LCOR: variants seen among roughly 807,000 people sequenced by gnomAD.
The protein encoded by LCOR is ligand dependent nuclear receptor corepressor, also known as ligand-dependent corepressor.
A neutral mutation model predicts 64.4 loss-of-function variants in LCOR; 14 were observed. The ratio of observed to expected loss-of-function variants is 0.22; its 90% CI spans 0.14 to 0.34. The LOEUF (loss-of-function observed/expected upper bound fraction) is 0.34, where lower values mean the gene tolerates loss of function less well. LCOR is among the 10% of genes least tolerant of loss of function. The pLI, the probability that LCOR is intolerant of heterozygous loss-of-function variation, is 1.00. For synonymous variants in LCOR, 643 were observed against 642.5 expected, an observed-to-expected ratio of 1.00 and a Z score of -0.01; for missense variants, 1,686 against 1,765.3, an observed-to-expected ratio of 0.96 and a Z score of 0.80.
At chr10:96,972,814 C>T (rs1004253598) in intron 7 of LCOR, among the ~76,000 whole-genome samples, 2 of 152,064 alleles carry the variant, frequency 1.3e-5, no homozygotes, top group African/African-American at 2.4e-5. Context: ...CCCCCAGTTT[C>T]GATTATTAGT....
At chr10:96,845,456 T>C (rs1301288832) in intron 2 of LCOR, among the ~76,000 whole-genome samples, 1 of 62,934 alleles carries the variant, frequency 1.6e-5, no homozygotes, top group African/African-American at 9.3e-5. Flanking sequence ...ATCCTTTTTT[T>C]TTTTTTTTTT....
At chr10:96,894,524 A>C (rs1846504523) in intron 2 of LCOR, among the ~76,000 whole-genome samples, 1 of 152,244 alleles carries the variant, frequency 6.6e-6, no homozygotes, top group East Asian at 1.9e-4. Flanking sequence ...AGCCAGACTA[A>C]GCAGTTTGAA....
chr10:96,932,509 G>T (rs1471908502), intron 4 of LCOR, among the ~76,000 whole-genome samples: 1 of 151,756 alleles, frequency 6.6e-6, no homozygotes, highest in African/African-American at 2.4e-5. Context: ...CTGTTCCCAG[G>T]CTGGAGTGCA....
At chr10:96,922,168 C>A (rs1847091838) in intron 4 of LCOR, among the ~76,000 whole-genome samples, 1 of 151,736 alleles carries the variant, frequency 6.6e-6, no homozygotes, top group South Asian at 2.1e-4. Flanking sequence ...AATATTAAGT[C>A]TTTGCCTTTT....
intron 2 of LCOR, among the ~76,000 whole-genome samples, chr10:96,900,197 CT>C (rs1242905762): frequency 3.9e-5 from 6 of 151,938 alleles, no homozygotes; most frequent in African/African-American, 1.5e-4. Flanking sequence ...TGTTTCTGTC[CT>C]TTTTTCACCT....
At chr10:96,903,918 A>G (rs1484487720) in intron 2 of LCOR, among the ~76,000 whole-genome samples, 1 of 152,226 alleles carries the variant, frequency 6.6e-6, no homozygotes, top group Non-Finnish European at 1.5e-5. Flanking sequence ...GATAAGACAT[A>G]AATGAATAAA....
At chr10:96,941,336 G>A (rs1291411086) in intron 4 of LCOR, among the ~76,000 whole-genome samples, 17 of 120,970 alleles carry the variant, frequency 1.4e-4, no homozygotes, top group Non-Finnish European at 2.4e-4. Context: ...GGGCAGAGGA[G>A]TCCTCACTTC....
intron 2 of LCOR, among the ~76,000 whole-genome samples, chr10:96,876,251 G>T (rs939665240): frequency 1.3e-5 from 2 of 152,206 alleles, no homozygotes; most frequent in Non-Finnish European, 2.9e-5. Flanking sequence ...GAGAGCAAGA[G>T]TGCCAGCTCA....
Position 96,944,592 on chromosome 10 carries a change from A to ATT in LCOR, c.-51+362_-51+363dup, listed in dbSNP as rs35733272. Among the ~76,000 whole-genome samples, 89 of 140,064 alleles carry ATT rather than the reference A, an allele frequency of 6.4e-4. No individual in the cohort carries two copies. In the East Asian group the frequency reaches 6.4e-3, roughly 10 times the overall value. 91.9% of individuals were successfully genotyped at this position (140,064 alleles called of 152,430 possible). A position where few individuals can be genotyped will look rare whatever the true frequency, so the allele number is the denominator to read the frequency against. On this transcript the variant is annotated intron_variant, in intron 5 of 7. Transcript: ENST00000421806. Reference sequence around the variant, plus strand: ...ACCGATAACTAAATCCAACTGTGTGATTTTTTTTTTTTTTTTAGTAATTTC... The same window carrying ATT: ...ACCGATAACTAAATCCAACTGTGTGATTTTTTTTTTTTTTTTTTAGTAATTTC...
intron 2 of LCOR, among the ~76,000 whole-genome samples, chr10:96,895,760 A>C (rs1415147259): frequency 6.6e-6 from 1 of 152,138 alleles, no homozygotes; most frequent in African/African-American, 2.4e-5. Context: ...TAGAACATTC[A>C]TGTGTCTCCA....
At chr10:96,899,006 A>G (rs1454773612) in intron 2 of LCOR, among the ~76,000 whole-genome samples, 1 of 152,198 alleles carries the variant, frequency 6.6e-6, no homozygotes, top group African/African-American at 2.4e-5. Context: ...TTGGTGATTT[A>G]TGGAAAGAAT....
chr10:96,985,193 T>A lies in LCOR; in HGVS notation c.*59T>A. 6.7e-7 allele frequency: 1 copy of A among 1,501,394 alleles called. No homozygotes were observed. Among genetic ancestry groups the A allele is most frequent in the South Asian group, 1.4e-5 (1 of 70,432 alleles). The allele number at this position is 1,501,394 out of a possible 1,614,324, so 93.0% of individuals were successfully genotyped here. ...TATAGAAGTAACCTTTTATTTTGCATTAACTAAATCTGCTTTTATAAGCTT... is the reference window on the plus strand; with the variant it reads ...TATAGAAGTAACCTTTTATTTTGCAATAACTAAATCTGCTTTTATAAGCTT... On this transcript the variant is annotated 3_prime_UTR_variant, in exon 8 of 8. Transcript: ENST00000421806.
chr10:96,892,923 A>T (rs762509831), intron 2 of LCOR, among the ~76,000 whole-genome samples: 1 of 152,322 alleles, frequency 6.6e-6, no homozygotes, highest in Non-Finnish European at 1.5e-5. Context: ...CTCCATTTAC[A>T]TGTAATATAA....
intron 2 of LCOR, among the ~76,000 whole-genome samples, chr10:96,882,879 T>G (rs1271297622): frequency 6.6e-5 from 10 of 152,302 alleles, no homozygotes. Flanking sequence ...ACTTCTTTAA[T>G]GCGTATTACT....
intron 2 of LCOR, among the ~76,000 whole-genome samples, chr10:96,873,567 CACACGTGT>C (rs745402049): frequency 0.044 from 5,146 of 117,998 alleles, 184 homozygotes; most frequent in East Asian, 0.22. Context: ...TACACACACA[CACACGTGT>C]GTGTGTGTGT....
Position 96,855,728 on chromosome 10 carries a change from G to A in LCOR, c.-330+22249G>A, listed in dbSNP as rs188270991. On this transcript the variant is annotated intron_variant, in intron 2 of 7. Transcript: ENST00000421806. ...TGGGATTACAGGCATGAGCCACAGT[G>A]CCTGGCCTGTCTAATGCTTTTGTTT... Among the ~76,000 whole-genome samples the A allele has an allele frequency of 2.1e-3, 305 of 146,252 alleles. 1 individual carries two copies. Among genetic ancestry groups the A allele is most frequent in the Middle Eastern group, 4.0e-3 (1 of 250 alleles).
At chr10:96,895,141 T>C (rs574417515) in intron 2 of LCOR, among the ~76,000 whole-genome samples, 1 of 152,320 alleles carries the variant, frequency 6.6e-6, no homozygotes, top group East Asian at 1.9e-4. Context: ...GTCTCCCTTT[T>C]AACTTCAAAG....
At chr10:96,846,940 GGA>G (rs1011275969) in intron 2 of LCOR, among the ~76,000 whole-genome samples, 5 of 152,102 alleles carry the variant, frequency 3.3e-5, no homozygotes, top group African/African-American at 1.2e-4. Context: ...GTATGTAAGT[GGA>G]TAAATGGAGT....
chr10:96,948,851 A>G (rs1847629565), intron 5 of LCOR, among the ~76,000 whole-genome samples, 157 bp from the exon 6 acceptor site: 1 of 152,172 alleles, frequency 6.6e-6, no homozygotes, highest in Non-Finnish European at 1.5e-5. Context: ...TTAAAAATAG[A>G]CAACTCAAAA....
Sources: allele counts gnomAD v4.1 joint callset (sites outside exome capture counted in the v4.1 genomes callset), GRCh38; gene constraint gnomAD v4.1.1; transcripts MANE v1.5; gene names NCBI Gene and HGNC (gene_info 2026-07-23, HGNC 2026-07-21).